FANCI: variants seen among roughly 807,000 people sequenced by gnomAD.
FANCI encodes FA complementation group I, also known as Fanconi anemia group I protein.
Under a neutral mutation model 176.1 loss-of-function variants are expected in FANCI, and 156 were observed. That is an observed-to-expected ratio of 0.89 (90% CI 0.78 to 1.01). FANCI has a LOEUF of 1.01. Among genes scored for constraint, FANCI ranks in the 50% least tolerant of loss-of-function variants. The pLI is 0.00. For missense variants in FANCI, 1,678 were observed against 1,534.1 expected (o/e 1.09, Z -1.57); for synonymous variants, 613 against 541.7 (o/e 1.13, Z -1.83).
chr15:89,264,122 C>T, intron 8 of FANCI, 96 bp downstream of exon 8: 1 of 1,287,978 alleles, frequency 7.8e-7, no homozygotes, highest in Non-Finnish European at 1.1e-6. Context: ...GCAGAGCAAA[C>T]ATAGCCGAAC....
Position 89,256,550 on chromosome 15 carries a change from T to A in FANCI, c.85-2154T>A, listed in dbSNP as rs1186889393. On this transcript the variant is annotated intron_variant, in intron 2 of 37. Coordinates refer to ENST00000310775, the MANE Select transcript of FANCI (RefSeq NM_001113378.2). The stretch of plus-strand genomic sequence containing the variant: ...AGATTATCCTCCAATGTTATTGACT[T>A]CACTTTCTCCATTGTCTTTGCTGGC... 4.6e-5 allele frequency among the ~76,000 whole-genome samples: 7 copies of A among 152,324 alleles called. No homozygotes were observed. In the East Asian group the frequency reaches 1.4e-3, roughly 29 times the overall value.
intron 14 of FANCI, 116 bp downstream of exon 14, chr15:89,278,890 A>T (rs1433091929): frequency 5.3e-6 from 4 of 749,044 alleles, no homozygotes; most frequent in South Asian, 4.5e-5. Flanking sequence ...TATCTTTGAT[A>T]GGATGCCAAT....
chr15:89,249,581 C>G (rs1255702576), intron 2 of FANCI, among the ~76,000 whole-genome samples: 1 of 152,172 alleles, frequency 6.6e-6, no homozygotes, highest in Admixed American at 6.5e-5. Flanking sequence ...CTCCTGAGCT[C>G]AAGCAATCCA....
At chr15:89,261,135 G>A (rs947772920) in intron 4 of FANCI, among the ~76,000 whole-genome samples, 11 of 152,062 alleles carry the variant, frequency 7.2e-5, no homozygotes, top group African/African-American at 2.4e-4. Context: ...AGCCGGGCTC[G>A]TGGCGCATGT....
In FANCI at chr15:89,294,917, A is replaced by C; in HGVS notation, c.2459A>C (p.Asp820Ala). The C allele has an allele frequency of 2.6e-6, 4 of 1,552,064 alleles. No homozygotes were observed. Among genetic ancestry groups the C allele is most frequent in the Non-Finnish European group, 3.5e-6 (4 of 1,147,054 alleles). ...TCTCTCTCTCTGTCTCTCTCTAGGG[A>C]TAGTATCCAAAGCCACCAAGAAAGC... ...VSSLLTALFRDSIQSHQESLS... is the reference protein window; with the variant it reads ...VSSLLTALFRASIQSHQESLS... The change falls in exon 24 of 38, where the codon GAT (aspartate) becomes GCT (alanine). Residue 820 changes from aspartate to alanine, a missense_variant and splice_region_variant. Physicochemically the swap from Asp to Ala is moderately radical, Grantham distance 126. This residue lies in a region of FANCI where 1,204 missense variants were observed against 1,077.4 expected (regional missense o/e 1.12). Coordinates refer to ENST00000310775, the MANE Select transcript of FANCI (RefSeq NM_001113378.2).
At chr15:89,303,717 T>A in intron 27 of FANCI, 147 bp from the exon 28 acceptor site, 1 of 660,430 alleles carries the variant, frequency 1.5e-6, no homozygotes, top group South Asian at 1.7e-5. Flanking sequence ...TTTATGCCCT[T>A]CATCATATAT....
intron 9 of FANCI, among the ~76,000 whole-genome samples, chr15:89,267,140 G>GTAA (rs940375254): frequency 6.6e-6 from 1 of 151,976 alleles, no homozygotes; most frequent in African/African-American, 2.4e-5. Context: ...GGATGACATG[G>GTAA]TAAAAACCTA....
At chr15:89,278,190 C>G (rs2053478464) in intron 13 of FANCI, among the ~76,000 whole-genome samples, 1 of 152,162 alleles carries the variant, frequency 6.6e-6, no homozygotes, top group Non-Finnish European at 1.5e-5. Context: ...ATAAAGTAAT[C>G]AAGTTGAAGT....
intron 1 of FANCI, among the ~76,000 whole-genome samples, chr15:89,246,789 A>AGAG (rs1470866612): frequency 1.7e-5 from 2 of 119,262 alleles, no homozygotes; most frequent in African/African-American, 7.4e-5. Context: ...TTTTTGAGAC[A>AGAG]GAGCCTCGCT....
intron 4 of FANCI, among the ~76,000 whole-genome samples, chr15:89,261,079 C>A (rs1337675719): frequency 1.3e-5 from 2 of 152,050 alleles, no homozygotes; most frequent in Non-Finnish European, 2.9e-5. Flanking sequence ...CCCTCTGCAA[C>A]ATGGTGAAAC....
intron 10 of FANCI, 125 bp downstream of exon 10, chr15:89,268,650 TC>T: frequency 7.7e-6 from 9 of 1,164,290 alleles, no homozygotes; most frequent in East Asian, 2.5e-5. Context: ...GTGGAGGATC[TC>T]TTTTTTTTTT....
chr15:89,247,446 A>G (rs923275508), intron 1 of FANCI, among the ~76,000 whole-genome samples, 183 bp from the exon 2 acceptor site: 1 of 152,210 alleles, frequency 6.6e-6, no homozygotes, highest in Admixed American at 6.5e-5. Flanking sequence ...TAGGTTAAGA[A>G]TCATCTTGCC....
chr15:89,280,027 T>A (rs1298099876), intron 14 of FANCI, among the ~76,000 whole-genome samples: 3 of 152,110 alleles, frequency 2.0e-5, no homozygotes, highest in African/African-American at 7.2e-5. Context: ...CTCTTTTTGT[T>A]TGTTTGTTTT....
rs200007225 is a variant in FANCI at position 89,281,206 on chromosome 15, T to G, written c.1418T>G (p.Val473Gly). The G allele has an allele frequency of 1.4e-5, 22 of 1,613,920 alleles. No homozygotes were observed. The African/African-American group carries it at 2.8e-4, about 21-fold the overall frequency. The change falls in exon 15 of 38, where the codon GTT (valine) becomes GGT (glycine). Residue 473 changes from valine to glycine, a missense_variant. By Grantham distance (109) the Val-to-Gly change is moderately radical. Around this residue, in one of 3 missense-constraint regions of FANCI, gnomAD observed 1,204 missense variants for 1,077.4 expected, o/e 1.12. Coordinates refer to ENST00000310775, the MANE Select transcript of FANCI (RefSeq NM_001113378.2). The part of the protein sequence containing the change: ...LSNIVMYAPL[V>G]LQSCSSKVTE... ...AATATCGTCATGTATGCACCCTTAG[T>G]TCTTCAAAGTTGTTCTTCTAAAGTC...
Position 89,293,729 on chromosome 15 carries a change from T to C in FANCI, c.2292-104T>C, listed in dbSNP as rs930731543. On this transcript the variant is annotated intron_variant, in intron 22 of 37. Coordinates refer to ENST00000310775, the MANE Select transcript of FANCI (RefSeq NM_001113378.2). ...TTCTATTCATTTATAATGTTACGTCTAAAATATGACATTTAAAGAAGCATT... is the reference window on the plus strand; with the variant it reads ...TTCTATTCATTTATAATGTTACGTCCAAAATATGACATTTAAAGAAGCATT... 4 of 1,127,248 alleles carry C rather than the reference T, an allele frequency of 3.5e-6. No homozygotes were observed. The East Asian group carries it at 7.1e-5, about 20-fold the overall frequency. 69.8% of individuals were successfully genotyped at this position (1,127,248 alleles called of 1,614,324 possible).
intron 30 of FANCI, 80 bp from the exon 31 acceptor site, chr15:89,305,525 A>G: frequency 6.3e-7 from 1 of 1,588,500 alleles, no homozygotes; most frequent in Non-Finnish European, 8.6e-7. Context: ...ACCCACCTGT[A>G]GGTGGCCAGG....
chr15:89,291,502 G>T, intron 19 of FANCI, 111 bp from the exon 20 acceptor site: 1 of 859,312 alleles, frequency 1.2e-6, no homozygotes. Flanking sequence ...TGAACAGTTG[G>T]GAAATGTGTG....
At position 89,316,486 on chromosome 15, in the gene FANCI, T is replaced by G; in HGVS notation, c.*27T>G. 1 of 1,593,058 alleles carries G rather than the reference T, an allele frequency of 6.3e-7. No individual in the cohort carries two copies. The highest frequency in any genetic ancestry group is 8.6e-7 in the Non-Finnish European group (1 of 1,167,782). ...TGAAATGCCTGAGTTAATGTGAACT[T>G]TGGGGCTTCTGCTTCATTTTTACCC... On this transcript the variant is annotated 3_prime_UTR_variant, in exon 38 of 38. Coordinates refer to ENST00000310775, the MANE Select transcript of FANCI (RefSeq NM_001113378.2).
intron 24 of FANCI, among the ~76,000 whole-genome samples, chr15:89,295,631 A>G (rs1230195596): frequency 6.6e-6 from 1 of 151,650 alleles, no homozygotes; most frequent in Non-Finnish European, 1.5e-5. Context: ...GTGCCATTGC[A>G]CTCTAGCCTG....
Sources: allele counts gnomAD v4.1 joint callset (sites outside exome capture counted in the v4.1 genomes callset), GRCh38; gene constraint gnomAD v4.1.1; regional missense constraint gnomAD v4.1.1; transcripts MANE v1.5; gene names NCBI Gene and HGNC (gene_info 2026-07-23, HGNC 2026-07-21).